MAGEC1: variants seen among roughly 807,000 people sequenced by gnomAD.
MAGEC1 encodes MAGE family member C1, also known as melanoma-associated antigen C1.
Under a neutral mutation model 1.5 loss-of-function variants are expected in MAGEC1, and 3 were observed. The ratio of observed to expected loss-of-function variants is 1.97; its 90% CI spans 0.90 to 5.10. The LOEUF is 5.10. Ranked by LOEUF, MAGEC1 falls within the 30% of genes most tolerant of loss-of-function variation. The pLI, the probability that MAGEC1 is intolerant of heterozygous loss-of-function variation, is 0.02. For missense variants in MAGEC1, 985 were observed against 803.1 expected (o/e 1.23, Z -2.74); for synonymous variants, 357 against 310.4 (o/e 1.15, Z -1.58).
At position 141,906,284 on chromosome X, in the gene MAGEC1, A is replaced by C. The variant is rs762849472; in HGVS notation, c.880A>C (p.Thr294Pro). 6 of 1,092,249 alleles carry C rather than the reference A, an allele frequency of 5.5e-6. No homozygotes were observed. The highest frequency in any genetic ancestry group is 2.0e-5 in the African/African-American group (1 of 50,639). 90.0% of individuals were successfully genotyped at this position (1,092,249 alleles called of 1,213,427 possible). The change falls in exon 4 of 4, where the codon ACT (threonine) becomes CCT (proline). Residue 294 changes from threonine (T) to proline (P), a missense_variant. Transcript: ENST00000285879. ...GAGTTCCCCTGAGAGAACTCAGAGT[A>C]CTTTTGAGGGTTTTCCCCAGTCTCC... Reference protein sequence around the residue: ...FQSSPERTQSTFEGFPQSPLQ... With the variant: ...FQSSPERTQSPFEGFPQSPLQ...
Position 141,907,940 on chromosome X carries a change from T to C in MAGEC1, c.2536T>C (p.Ser846Pro), listed in dbSNP as rs1926999021. 1 of 1,206,885 alleles carries C rather than the reference T, an allele frequency of 8.3e-7. No individual in the cohort carries two copies. The highest frequency in any genetic ancestry group is 2.2e-5 in the Admixed American group (1 of 45,455). The change falls in exon 4 of 4, where the codon TCC (serine) becomes CCC (proline). Residue 846 changes from serine to proline, a missense_variant. By Grantham distance (74) the Ser-to-Pro change is moderately conservative. Transcript: ENST00000285879. ...SSTSSSLSKS[S>P]PESPLQSPVI... The stretch of plus-strand genomic sequence containing the variant: ...CACTTCATCGAGTCTTTCCAAGAGT[T>C]CCCCTGAGAGTCCTCTCCAGAGTCC...
In MAGEC1 at chrX:141,907,118, G is replaced by T. The variant is rs753547460; in HGVS notation, c.1714G>T (p.Glu572Ter). The part of the protein sequence containing the change: ...HYFPQSPPQG[E>*]DSLSPHYFPQ... ...CTTTCCTCAGAGCCCTCCTCAGGGGGAGGACTCCCTGTCTCCTCACTACTT... is the reference window on the plus strand; with the variant it reads ...CTTTCCTCAGAGCCCTCCTCAGGGGTAGGACTCCCTGTCTCCTCACTACTT... The change falls in exon 4 of 4, where the codon GAG becomes TAG. Residue 572 changes from glutamate (E) to a stop codon, truncating the protein, a stop_gained. Transcript: ENST00000285879. LOFTEE classifies it low-confidence loss of function (END_TRUNC). 7 of 1,203,231 alleles carry T rather than the reference G, an allele frequency of 5.8e-6. No individual in the cohort carries two copies. In the Admixed American group the frequency reaches 1.1e-4, roughly 19 times the overall value.
rs759827673 is a variant in MAGEC1 at position 141,906,960 on chromosome X, G to A, written c.1556G>A (p.Ser519Asn). 8.3e-7 allele frequency: 1 copy of A among 1,210,669 alleles called. No homozygotes were observed. The change falls in exon 4 of 4, where the codon AGT becomes AAT. Residue 519 changes from serine to asparagine, a missense_variant. Transcript: ENST00000285879. Reference sequence around the variant, plus strand: ...CAGTCTCCTCTCCAGATTCCTCAGAGTCCTCCTGAAGGGGAGAATACCCAT... The same window carrying A: ...CAGTCTCCTCTCCAGATTCCTCAGAATCCTCCTGAAGGGGAGAATACCCAT... ...FPQSPLQIPQ[S>N]PPEGENTHSP...
chrX:141,908,422 C>A lies in MAGEC1; in HGVS notation c.3018C>A (p.Ile1006=). Reference sequence around the variant, plus strand: ...GCCTCCTGATTCTTATTCTGAGTATCATCTTCATAAAGGGCACCTATGCCT... The same window carrying A: ...GCCTCCTGATTCTTATTCTGAGTATAATCTTCATAAAGGGCACCTATGCCT... ...QNRLLILILS[I]IFIKGTYASE... The change falls in exon 4 of 4, where the codon ATC becomes ATA. Residue 1006 remains isoleucine (I), a synonymous_variant. Coordinates refer to ENST00000285879, the MANE Select transcript of MAGEC1 (RefSeq NM_005462.5). The A allele has an allele frequency of 8.3e-7, 1 of 1,210,919 alleles. No individual in the cohort carries two copies. The highest frequency in any genetic ancestry group is 1.1e-6 in the Non-Finnish European group (1 of 895,287).
Position 141,904,780 on chromosome X carries a change from C to G in MAGEC1, c.-138C>G, listed in dbSNP as rs947838016. On this transcript the variant is annotated 5_prime_UTR_variant, in exon 2 of 4. Transcript: ENST00000285879. Reference sequence around the variant, plus strand: ...GGACACATACATCCTAAAAGCACCACAGCAGAGGAGGCCCAGGCAGTGCCA... The same window carrying G: ...GGACACATACATCCTAAAAGCACCAGAGCAGAGGAGGCCCAGGCAGTGCCA... 4 of 388,251 alleles carry G rather than the reference C, an allele frequency of 1.0e-5. No individual in the cohort carries two copies. The highest frequency in any genetic ancestry group is 1.8e-5 in the Non-Finnish European group (4 of 222,008). The allele number at this position is 388,251 out of a possible 1,213,427, so 32.0% of individuals were successfully genotyped here. A position where few individuals can be genotyped will look rare whatever the true frequency, so the allele number is the denominator to read the frequency against.
rs1312094786 is a variant in MAGEC1, at chrX:141,907,503, A to G, written c.2099A>G (p.Glu700Gly). The G allele has an allele frequency of 1.7e-6, 2 of 1,198,576 alleles. No homozygotes were observed. Among genetic ancestry groups the G allele is most frequent in the Non-Finnish European group, 2.2e-6 (2 of 889,713 alleles). Reference protein sequence around the residue: ...SPLQIPQSPLEGEDSLSSLHF... With the variant: ...SPLQIPQSPLGGEDSLSSLHF... ...CTCCAAATTCCTCAGAGTCCTCTTGAGGGAGAGGACTCCCTGTCTTCTCTC... is the reference window on the plus strand; with the variant it reads ...CTCCAAATTCCTCAGAGTCCTCTTGGGGGAGAGGACTCCCTGTCTTCTCTC... Residue 700 changes from glutamate (E) to glycine (G), a missense_variant, in exon 4 of 4, where the codon GAG becomes GGG. Transcript: ENST00000285879.
rs748511265 is a variant in MAGEC1, at chrX:141,905,407, A to G, written c.5-2A>G. ...CCTCCTCTCTGCTTCTGCGTTCTCC[A>G]GGGGACAAGGATATGCCTACTGCTG... On this transcript the variant is annotated splice_acceptor_variant, in intron 3 of 3. Transcript: ENST00000285879. LOFTEE classifies it high-confidence loss of function. 1.7e-6 allele frequency: 2 copies of G among 1,204,197 alleles called. No homozygotes were observed. The highest frequency in any genetic ancestry group is 2.2e-6 in the Non-Finnish European group (2 of 891,025).
Position 141,908,498 on chromosome X carries a change from A to T in MAGEC1, c.3094A>T (p.Arg1032Trp), listed in dbSNP as rs1218549133. The T allele has an allele frequency of 8.4e-7, 1 of 1,195,790 alleles. No homozygotes were observed. The highest frequency in any genetic ancestry group is 3.0e-5 in the East Asian group (1 of 33,646). Residue 1032 changes from arginine (R) to tryptophan (W), a missense_variant, in exon 4 of 4, where the codon AGG (arginine) becomes TGG (tryptophan). Arg to Trp is a moderately radical substitution (Grantham distance 101). Coordinates refer to ENST00000285879, the MANE Select transcript of MAGEC1 (RefSeq NM_005462.5). Reference protein sequence around the residue: ...VLSGIGVRAGREHFAFGEPRE... With the variant: ...VLSGIGVRAGWEHFAFGEPRE... ...GAGTGGAATAGGGGTGCGTGCTGGG[A>T]GGGAGCACTTTGCCTTTGGGGAGCC...
Sources: gnomAD v4.1 joint callset for allele counts on GRCh38, gnomAD v4.1.1 for gene constraint, MANE v1.5 for transcripts, NCBI Gene and HGNC (gene_info 2026-07-23, HGNC 2026-07-21) for gene names.